Variants in SLC19A1 observed in about 807,000 individuals in gnomAD.
SLC19A1 encodes the protein solute carrier family 19 member 1.
A neutral mutation model predicts 35.3 loss-of-function variants in SLC19A1; 37 were observed. That is an observed-to-expected ratio of 1.05 (90% CI 0.81 to 1.38). The LOEUF (loss-of-function observed/expected upper bound fraction) is 1.38. Ranked by LOEUF, SLC19A1 falls within the 40% of genes most tolerant of loss-of-function variation. The pLI is 0.00. For missense variants in SLC19A1, 831 were observed against 826.9 expected, an observed-to-expected ratio of 1.00 and a Z score of -0.06; for synonymous variants, 460 against 398.5, an observed-to-expected ratio of 1.15 and a Z score of -1.84.
At position 45,525,841 on chromosome 21, in the gene SLC19A1, GC is replaced by G. The variant is rs2077593697; in HGVS notation, c.1268del (p.Gly423AlafsTer18). The G allele has an allele frequency of 6.2e-7, 1 of 1,613,382 alleles. No individual in the cohort carries two copies. Among genetic ancestry groups the G allele is most frequent in the African/African-American group, 1.3e-5 (1 of 75,082 alleles). The part of the protein sequence containing the change: ...IITFIVSDVR[G>X]LGLPVRKQFQ... ...CCTGCTTGCGGACCGGGAGGCCCAG[GC>G]CCCGCACGTCCGAGACAATGAAAGT... On this transcript the variant is annotated frameshift_variant, in exon 5 of 6. Transcript: ENST00000311124. LOFTEE classifies it low-confidence loss of function (END_TRUNC).
chr21:45,512,103 G>A (rs1436695064), downstream of SLC19A1: 7 of 1,461,994 alleles, frequency 4.8e-6, no homozygotes, highest in African/African-American at 2.8e-5. Context: ...CTGGCCTCCT[G>A]CCTCCACCTT....
intron 3 of SLC19A1, chr21:45,506,041 A>C (rs745472433): frequency 6.2e-6 from 10 of 1,607,848 alleles, no homozygotes; most frequent in Non-Finnish European, 8.5e-6. Context: ...GGAAGGCGAG[A>C]GGCTCAGGCC....
In SLC19A1 at chr21:45,533,041, G is replaced by A. The variant is rs977062660; in HGVS notation, c.190-893C>T. Among the ~76,000 whole-genome samples, 3 of 152,212 alleles carry A rather than the reference G, an allele frequency of 2.0e-5. No homozygotes were observed. Among genetic ancestry groups the A allele is most frequent in the African/African-American group, 7.2e-5 (3 of 41,466 alleles). On this transcript the variant is annotated intron_variant, in intron 2 of 5. Transcript: ENST00000311124. This position sits in a 1 kb window ranked among gnomAD's most constrained non-coding sequence, Gnocchi z 4.5. ...CTCCCATCTCACACTTGTCCCCAGA[G>A]CAAGGTCTTTAAGGCCAGACTCCAA... is the stretch of plus-strand genomic sequence containing the variant.
At chr21:45,502,601 C>T (rs139688512) in intron 3 of SLC19A1, 6 of 152,246 alleles carry the variant, frequency 3.9e-5, no homozygotes, top group East Asian at 1.9e-4. Context: ...TTTGCAAAGG[C>T]GAACAACATT....
In SLC19A1 at chr21:45,552,473, C is replaced by A. The variant is rs188967071; in HGVS notation, c.-50+10269G>T. ...AGCCCCTGGGGAGAGCGACACCCAC[C>A]CGGAGGCTCAGGCCAGGCCAGGACC... On this transcript the variant is annotated intron_variant, in intron 1 of 5. Coordinates refer to the SLC19A1 transcript ENST00000650808. Among the ~76,000 whole-genome samples the A allele has an allele frequency of 2.2e-4, 33 of 152,268 alleles. No individual in the cohort carries two copies. The East Asian group carries it at 6.0e-3, about 28-fold the overall frequency.
intron 4 of SLC19A1, among the ~76,000 whole-genome samples, chr21:45,529,350 T>C (rs2077764956): frequency 6.6e-6 from 1 of 151,922 alleles, no homozygotes; most frequent in South Asian, 2.1e-4. Flanking sequence ...TCAAACAGGC[T>C]CGTGACCAGC....
chr21:45,531,056 T>C (rs1602808943), intron 3 of SLC19A1, 85 bp from the exon 4 acceptor site: 1 of 164,126 alleles, frequency 6.1e-6, no homozygotes, highest in Non-Finnish European at 9.2e-6. Context: ...AGGAAAGGTA[T>C]CCACGGGGCA....
chr21:45,562,354 G>A (rs1308813050), intron 1 of SLC19A1, among the ~76,000 whole-genome samples: 1 of 152,126 alleles, frequency 6.6e-6, no homozygotes, highest in Non-Finnish European at 1.5e-5. Flanking sequence ...CAGTGACTAC[G>A]GAACATTTGT....
At chr21:45,516,528 G>A (rs768903051) in intron 5 of SLC19A1, among the ~76,000 whole-genome samples, 1 of 152,226 alleles carries the variant, frequency 6.6e-6, no homozygotes, top group Non-Finnish European at 1.5e-5. Context: ...AGAGCAGGGT[G>A]AGGAGAGCCA....
rs1045461050 is a variant in SLC19A1, at chr21:45,516,020, G to A, written c.1414C>T (p.Leu472=). 1 of 1,577,668 alleles carries A rather than the reference G, an allele frequency of 6.3e-7. No homozygotes were observed. The highest frequency in any genetic ancestry group is 1.9e-5 in the Admixed American group (1 of 52,954). The part of the protein sequence containing the change: ...HHPRQPPAQG[L]RSAAEEKAAQ... The stretch of plus-strand genomic sequence containing the variant: ...GCCTTCTCCTCCGCGGCACTCCTCA[G>A]GCCCTGGGCCGGGGGCTGCCGCGGG... The change falls in exon 6 of 6, where the codon CTG becomes TTG. Residue 472 remains leucine, a synonymous_variant. Transcript: ENST00000311124.
Position 45,540,343 on chromosome 21 carries a change from C to T in SLC19A1, c.-50+2025G>A, listed in dbSNP as rs1369815139. 6.6e-6 allele frequency among the ~76,000 whole-genome samples: 1 copy of T among 152,162 alleles called. No individual in the cohort carries two copies. The highest frequency in any genetic ancestry group is 2.4e-5 in the African/African-American group (1 of 41,428). ...GAGCCATCAGGAGCTGAACTAAGCCCAGGGTCTGCGCCCACAGTCCATGGC... is the reference window on the plus strand; with the variant it reads ...GAGCCATCAGGAGCTGAACTAAGCCTAGGGTCTGCGCCCACAGTCCATGGC... On this transcript the variant is annotated intron_variant, in intron 1 of 5. Transcript: ENST00000311124. The surrounding 1 kb of genome is among the most constrained non-coding windows in gnomAD (Gnocchi z 5.5).
chr21:45,507,672 A>ACGTGTTGTTCCTC, downstream of SLC19A1: 1 of 1,372,250 alleles, frequency 7.3e-7, no homozygotes, highest in Non-Finnish European at 1.0e-6. Flanking sequence ...TTTGAGGAAC[A>ACGTGTTGTTCCTC]ACACGTGGTC....
At chr21:45,558,660 G>A (rs770495567) in intron 1 of SLC19A1, among the ~76,000 whole-genome samples, 3 of 152,298 alleles carry the variant, frequency 2.0e-5, no homozygotes, top group African/African-American at 7.2e-5. Context: ...GAAGCCCTGC[G>A]GCTGGGAATC....
At chr21:45,550,603 G>A (rs1204810873) in intron 1 of SLC19A1, among the ~76,000 whole-genome samples, 1 of 152,244 alleles carries the variant, frequency 6.6e-6, no homozygotes, top group Non-Finnish European at 1.5e-5. Context: ...TCCATTCACG[G>A]TTCAGGATCA....
intron 3 of SLC19A1, chr21:45,506,352 G>A (rs917223190): frequency 1.1e-5 from 4 of 354,618 alleles, no homozygotes; most frequent in East Asian, 1.5e-4. Context: ...GGCCCCGGCT[G>A]GGGGGCAGGC....
chr21:45,556,294 G>C lies in SLC19A1; in HGVS notation c.-50+6448C>G, dbSNP rs8127385. 3.1e-3 allele frequency among the ~76,000 whole-genome samples: 465 copies of C among 152,318 alleles called. 3 individuals carry two copies. Among genetic ancestry groups the C allele is most frequent in the African/African-American group, 8.8e-3 (366 of 41,568 alleles). On this transcript the variant is annotated intron_variant, in intron 1 of 5. Transcript: ENST00000650808. ...CCTCCACCGCAGACAGAAAGACCGG[G>C]CGGACCCAAGACTGCAAGCTCAAGC...
chr21:45,503,624 T>C (rs1173293427), intron 3 of SLC19A1, among the ~76,000 whole-genome samples: 3 of 107,430 alleles, frequency 2.8e-5, no homozygotes, highest in East Asian at 2.9e-4. Context: ...CATCACACTC[T>C]GGGGACTGTT....
chr21:45,504,165 C>G (rs1007837591), intron 3 of SLC19A1: 1 of 1,275,374 alleles, frequency 7.8e-7, no homozygotes, highest in Non-Finnish European at 1.1e-6. Context: ...CTGTTCAGCC[C>G]TGCGAGGGGC....
At chr21:45,562,314 TCAC>T (rs2078623585) in intron 1 of SLC19A1, among the ~76,000 whole-genome samples, 1 of 152,058 alleles carries the variant, frequency 6.6e-6, no homozygotes, top group African/African-American at 2.4e-5. Flanking sequence ...CCACACGCAT[TCAC>T]CACATCGGCA....
Sources: allele counts gnomAD v4.1 joint callset (sites outside exome capture counted in the v4.1 genomes callset), GRCh38; gene constraint gnomAD v4.1.1; non-coding constraint Gnocchi (gnomAD v3.1); transcripts MANE v1.5; gene names NCBI Gene and HGNC (gene_info 2026-07-23, HGNC 2026-07-21).